The following DESI2 variants were observed in gnomAD, a reference collection of about 807,000 sequenced individuals.
DESI2 encodes the protein deubiquitinase DESI2.
A neutral mutation model predicts 24.1 loss-of-function variants in DESI2; 10 were observed. That is an observed-to-expected ratio of 0.41 (90% CI 0.26 to 0.70). DESI2 has a LOEUF of 0.70. Ranked by LOEUF, DESI2 falls within the 30% of genes least tolerant of loss-of-function variation. The pLI is 0.29. For synonymous variants in DESI2, 71 were observed against 87.7 expected, an observed-to-expected ratio of 0.81 and a Z score of 1.06; for missense variants, 122 against 234.9, an observed-to-expected ratio of 0.52 and a Z score of 3.14.
rs1677302665 is a variant in DESI2, at chr1:244,698,359, A to G, written c.351+6339A>G. 3.3e-5 allele frequency among the ~76,000 whole-genome samples: 5 copies of G among 152,210 alleles called. 1 individual carries two copies. The South Asian group carries it at 1.0e-3, about 31-fold the overall frequency. ...AAAAGGAAGACATACACTTCTAAAC[A>G]TTTTTAAAGCAGTTTTTAATTGCAA... On this transcript the variant is annotated intron_variant, in intron 4 of 4. Transcript: ENST00000302550.
chr1:244,659,434 A>G (rs1201021156), intron 1 of DESI2, among the ~76,000 whole-genome samples: 2 of 152,156 alleles, frequency 1.3e-5, no homozygotes, highest in African/African-American at 2.4e-5. Context: ...TCTGCTTCCA[A>G]GCTCATTCAG....
intron 1 of DESI2, among the ~76,000 whole-genome samples, chr1:244,658,361 A>C (rs148267481): frequency 1.3e-5 from 2 of 152,282 alleles, no homozygotes; most frequent in East Asian, 3.9e-4. Context: ...ATCTTTATGC[A>C]TGCCCATCCT....
In DESI2 at chr1:244,672,768, T is replaced by G. The variant is rs111832892; in HGVS notation, c.43-13829T>G. 4.9e-3 allele frequency among the ~76,000 whole-genome samples: 750 copies of G among 152,106 alleles called. 8 individuals carry two copies. Among genetic ancestry groups the G allele is most frequent in the African/African-American group, 0.017 (685 of 41,482 alleles). On this transcript the variant is annotated intron_variant, in intron 1 of 4. Transcript: ENST00000302550. ...GGCATATGCCTGTAATCCCAGCTAC[T>G]CTGGAGGCTGAGACAGGAGAATCGC...
chr1:244,699,956 A>G (rs1341562742), intron 4 of DESI2, among the ~76,000 whole-genome samples: 2 of 152,232 alleles, frequency 1.3e-5, no homozygotes, highest in African/African-American at 4.8e-5. Flanking sequence ...TCCCACACGG[A>G]ACACCTCCAG....
Position 244,683,707 on chromosome 1 carries a change from A to T in DESI2, c.43-2890A>T, listed in dbSNP as rs2813913. Reference sequence around the variant, plus strand: ...CCTCTTAGTTCCTTAAGAGCATCACACCTGCCCCAACACTTTTTGAATTTT... The same window carrying T: ...CCTCTTAGTTCCTTAAGAGCATCACTCCTGCCCCAACACTTTTTGAATTTT... On this transcript the variant is annotated intron_variant, in intron 1 of 4. Coordinates refer to ENST00000302550, the MANE Select transcript of DESI2 (RefSeq NM_016076.5). Among the ~76,000 whole-genome samples, 85 of 151,908 alleles carry T rather than the reference A, an allele frequency of 5.6e-4. 1 individual carries two copies. The highest frequency in any genetic ancestry group is 4.6e-4 in the Admixed American group (7 of 15,256).
At position 244,668,799 on chromosome 1, in the gene DESI2, T is replaced by C. The variant is rs1676137816; in HGVS notation, c.42+15444T>C. ...ACAGTAATATAGCACAATCAATTCG[T>C]TTCTGTAAACAATACTTTAAAATAA... On this transcript the variant is annotated intron_variant, in intron 1 of 4. Coordinates refer to ENST00000302550, the MANE Select transcript of DESI2 (RefSeq NM_016076.5). 2.0e-5 allele frequency among the ~76,000 whole-genome samples: 3 copies of C among 152,282 alleles called. No homozygotes were observed. In the South Asian group the frequency reaches 6.2e-4, roughly 32 times the overall value.
intron 1 of DESI2, among the ~76,000 whole-genome samples, chr1:244,662,410 A>T (rs1675880452): frequency 6.6e-6 from 1 of 152,212 alleles, no homozygotes; most frequent in African/African-American, 2.4e-5. Flanking sequence ...ATATACCCAG[A>T]AGTCCATAGA....
At chr1:244,661,697 A>G (rs1573179461) in intron 1 of DESI2, among the ~76,000 whole-genome samples, 1 of 152,002 alleles carries the variant, frequency 6.6e-6, no homozygotes, top group Non-Finnish European at 1.5e-5. Flanking sequence ...GCTGAGAATG[A>G]TGGTTTCCAG....
chr1:244,685,664 T>C lies in DESI2; in HGVS notation c.43-933T>C, dbSNP rs139977418. Among the ~76,000 whole-genome samples the C allele has an allele frequency of 1.7e-3, 262 of 152,104 alleles. 2 individuals are homozygous for C. The highest frequency in any genetic ancestry group is 6.2e-3 in the African/African-American group (256 of 41,498). On this transcript the variant is annotated intron_variant, in intron 1 of 4. Transcript: ENST00000302550. ...GAATGTGTGTAGGTCTGAGAAAGAC[T>C]GGCTAGGGGTCTGGAGCCAAGGTTA...
intron 1 of DESI2, among the ~76,000 whole-genome samples, chr1:244,677,855 G>A (rs1015293222): frequency 6.6e-6 from 1 of 152,166 alleles, no homozygotes; most frequent in Non-Finnish European, 1.5e-5. Flanking sequence ...AGGGGTTTGA[G>A]GAGGCAGTGA....
chr1:244,692,674 G>C (rs992254352), intron 4 of DESI2, among the ~76,000 whole-genome samples: 3 of 152,210 alleles, frequency 2.0e-5, no homozygotes, highest in African/African-American at 7.2e-5. Flanking sequence ...GAGAGAACGA[G>C]CTGCTGCTTC....
At position 244,653,243 on chromosome 1, in the gene DESI2, G is replaced by T; in HGVS notation, c.-71G>T. 7.0e-7 allele frequency: 1 copy of T among 1,425,246 alleles called. No individual in the cohort carries two copies. 88.3% of individuals were successfully genotyped at this position (1,425,246 alleles called of 1,614,324 possible). A position where few individuals can be genotyped will look rare whatever the true frequency, so the allele number is the denominator to read the frequency against. On this transcript the variant is annotated 5_prime_UTR_variant, in exon 1 of 5. Transcript: ENST00000302550. Reference sequence around the variant, plus strand: ...CTCAGGCCCCCTGAAGCGCCCGCGGGGGTGAGAGCGGCCTCCGGCCCCGCG... The same window carrying T: ...CTCAGGCCCCCTGAAGCGCCCGCGGTGGTGAGAGCGGCCTCCGGCCCCGCG...
intron 4 of DESI2, among the ~76,000 whole-genome samples, chr1:244,702,525 A>C (rs773049180): frequency 1.3e-5 from 2 of 151,706 alleles, no homozygotes; most frequent in Non-Finnish European, 2.9e-5. Flanking sequence ...AAAAATAAAT[A>C]AATAAATAAA....
chr1:244,654,893 C>T (rs2148775848), intron 1 of DESI2, among the ~76,000 whole-genome samples: 1 of 152,214 alleles, frequency 6.6e-6, no homozygotes, highest in South Asian at 2.1e-4. Flanking sequence ...GCCTTTTCTC[C>T]TAGATTATTA....
chr1:244,691,189 A>C (rs1573219059), intron 3 of DESI2, among the ~76,000 whole-genome samples: 1 of 152,306 alleles, frequency 6.6e-6, no homozygotes, highest in East Asian at 1.9e-4. Flanking sequence ...CCTGCGTTCA[A>C]GCGATTCTTC....
intron 1 of DESI2, among the ~76,000 whole-genome samples, chr1:244,661,340 TTTCC>T (rs1411374435): frequency 2.0e-5 from 3 of 152,230 alleles, no homozygotes; most frequent in South Asian, 4.1e-4. Context: ...TGTATCAGAA[TTTCC>T]TTCCTTTTTA....
chr1:244,705,842 G>C lies in DESI2; in HGVS notation c.*53G>C. 1 of 1,311,796 alleles carries C rather than the reference G, an allele frequency of 7.6e-7. No individual in the cohort carries two copies. 81.3% of individuals were successfully genotyped at this position (1,311,796 alleles called of 1,614,324 possible). ...TGTCTCTGGCAGTCGAATATCACTA[G>C]AGAAAAGTAAACAGAGAAGCATCCT... On this transcript the variant is annotated 3_prime_UTR_variant, in exon 5 of 5. Coordinates refer to ENST00000302550, the MANE Select transcript of DESI2 (RefSeq NM_016076.5).
At chr1:244,674,985 T>C (rs1676368254) in intron 1 of DESI2, among the ~76,000 whole-genome samples, 1 of 152,226 alleles carries the variant, frequency 6.6e-6, no homozygotes, top group Non-Finnish European at 1.5e-5. Context: ...CAGTAATGTA[T>C]TCGAGTTCTA....
intron 4 of DESI2, among the ~76,000 whole-genome samples, chr1:244,696,629 CT>C (rs1677225983): frequency 1.3e-5 from 2 of 152,100 alleles, no homozygotes; most frequent in Non-Finnish European, 2.9e-5. Flanking sequence ...TTCTTCCCCC[CT>C]TTACTTGTTT....
Sources: allele counts gnomAD v4.1 joint callset (sites outside exome capture counted in the v4.1 genomes callset), GRCh38; gene constraint gnomAD v4.1.1; transcripts MANE v1.5; gene names NCBI Gene and HGNC (gene_info 2026-07-23, HGNC 2026-07-21).